Variants in MYO9A observed in about 807,000 individuals in gnomAD.
MYO9A encodes the protein unconventional myosin-IXa.
In MYO9A, 103 loss-of-function variants were observed where a neutral mutation model predicts 293.3. The observed-to-expected ratio is 0.35, with a 90% CI of 0.30 to 0.41. The LOEUF is 0.41. Ranked by LOEUF, MYO9A falls within the 10% of genes least tolerant of loss-of-function variation. The pLI is 1.00. For synonymous variants in MYO9A, 1,001 were observed against 1,035.7 expected, an observed-to-expected ratio of 0.97 and a Z score of 0.64; for missense variants, 2,685 against 3,033.0, an observed-to-expected ratio of 0.89 and a Z score of 2.69.
intron 26 of MYO9A, chr15:71,891,071 C>T (rs1194342341): frequency 6.6e-6 from 1 of 152,122 alleles, no homozygotes; most frequent in Non-Finnish European, 1.5e-5. Flanking sequence ...CCCACCCCAT[C>T]CCCAACCCTG....
intron 39 of MYO9A, among the ~76,000 whole-genome samples, chr15:71,836,854 A>C (rs993344290): frequency 1.3e-5 from 2 of 152,054 alleles, no homozygotes; most frequent in Non-Finnish European, 2.9e-5. Context: ...CCTTTGGAGG[A>C]GAAAGAGGAT....
At chr15:72,033,522 G>A (rs1198236948) in intron 2 of MYO9A, among the ~76,000 whole-genome samples, 1 of 152,156 alleles carries the variant, frequency 6.6e-6, no homozygotes, top group African/African-American at 2.4e-5. Flanking sequence ...CAAACACTAT[G>A]CTAAGCACAA....
At chr15:71,980,476 A>G (rs1442267691) in intron 11 of MYO9A, among the ~76,000 whole-genome samples, 8 of 152,214 alleles carry the variant, frequency 5.3e-5, no homozygotes, top group Admixed American at 2.0e-4. Context: ...ATAACAAAGA[A>G]AAAACATTTT....
rs759962092 is a variant in MYO9A, at chr15:72,027,790, G to C, written c.939C>G (p.Ala313=). 4.4e-6 allele frequency: 7 copies of C among 1,601,336 alleles called. No individual in the cohort carries two copies. Among genetic ancestry groups the C allele is most frequent in the Non-Finnish European group, 6.0e-6 (7 of 1,173,566 alleles). ...TCTCCAGTAGATATTTTTCAACATAGGCACTACAAGAAAAATTAAATTGGT... is the reference window on the plus strand; with the variant it reads ...TCTCCAGTAGATATTTTTCAACATACGCACTACAAGAAAAATTAAATTGGT... ...NYQETGTVLG[A]YVEKYLLEKS... The change falls in exon 4 of 42, where the codon GCC becomes GCG. Residue 313 remains alanine (A), a synonymous_variant. Transcript: ENST00000356056.
chr15:71,894,534 G>C (rs2057268602), intron 25 of MYO9A, among the ~76,000 whole-genome samples: 1 of 152,122 alleles, frequency 6.6e-6, no homozygotes, highest in Non-Finnish European at 1.5e-5. Flanking sequence ...CCAAGATCGT[G>C]CCACTGCACA....
chr15:72,046,787 C>T lies in MYO9A; in HGVS notation c.-71-153G>A, dbSNP rs142863167. 146 of 417,756 alleles carry T rather than the reference C, an allele frequency of 3.5e-4. No homozygotes were observed. The Middle Eastern group carries it at 3.9e-3, about 11-fold the overall frequency. The allele number at this position is 417,756 out of a possible 1,614,324, so 25.9% of individuals were successfully genotyped here. On this transcript the variant is annotated intron_variant, in intron 1 of 41. Coordinates refer to ENST00000356056, the MANE Select transcript of MYO9A (RefSeq NM_006901.4). ...CACAGCAACAGTTTCATTGAGACCA[C>T]ATAATATTAAGTTTCACTGTCCAAA...
At chr15:71,976,819 A>G (rs982161128) in intron 12 of MYO9A, among the ~76,000 whole-genome samples, 10 of 152,274 alleles carry the variant, frequency 6.6e-5, no homozygotes, top group Non-Finnish European at 1.5e-4. Context: ...GAGTGACACT[A>G]AACTGTTAGC....
intron 1 of MYO9A, among the ~76,000 whole-genome samples, chr15:72,087,175 C>T (rs780347147): frequency 1.2e-4 from 18 of 152,168 alleles, no homozygotes; most frequent in Non-Finnish European, 2.1e-4. Context: ...TGCAAGCAGG[C>T]GCAACCAGGC....
chr15:72,089,806 C>T lies in MYO9A; in HGVS notation c.-72+27874G>A, dbSNP rs370119867. Among the ~76,000 whole-genome samples the T allele has an allele frequency of 2.0e-5, 3 of 152,252 alleles. No individual in the cohort carries two copies. In the East Asian group the frequency reaches 5.8e-4, roughly 29 times the overall value. ...AAAACAAAAGCAAAAAAAACACCAA[C>T]TTATCAACAGCAATGTTGTCATACC... is the stretch of plus-strand genomic sequence containing the variant. On this transcript the variant is annotated intron_variant, in intron 1 of 41. Transcript: ENST00000356056.
intron 20 of MYO9A, 90 bp from the exon 21 acceptor site, chr15:71,904,129 G>C (rs1347760041): frequency 1.3e-5 from 13 of 1,005,650 alleles, no homozygotes; most frequent in Non-Finnish European, 2.0e-5. Context: ...TGAGTATCTA[G>C]AGATTGACTG....
chr15:72,079,281 T>TA (rs1187615460), intron 1 of MYO9A, among the ~76,000 whole-genome samples: 3 of 152,062 alleles, frequency 2.0e-5, no homozygotes, highest in Non-Finnish European at 2.9e-5. Context: ...AAAACTGCTT[T>TA]AAAAAATAGA....
intron 1 of MYO9A, among the ~76,000 whole-genome samples, chr15:72,081,962 G>A (rs752435108): frequency 6.6e-6 from 1 of 152,082 alleles, no homozygotes; most frequent in Non-Finnish European, 1.5e-5. Flanking sequence ...TTGAAGTCTG[G>A]TAGATGCCTC....
chr15:71,877,514 G>C (rs183919270), intron 31 of MYO9A, among the ~76,000 whole-genome samples: 116 of 152,178 alleles, frequency 7.6e-4, no homozygotes, highest in African/African-American at 2.7e-3. Context: ...GTGAAGTGCA[G>C]TGGCGTGACC....
At chr15:72,007,217 C>G (rs1030209667) in intron 8 of MYO9A, among the ~76,000 whole-genome samples, 1 of 152,018 alleles carries the variant, frequency 6.6e-6, no homozygotes, top group South Asian at 2.1e-4. Context: ...AGAAATGACA[C>G]CCCATCTGAT....
intron 1 of MYO9A, among the ~76,000 whole-genome samples, chr15:72,111,058 C>T (rs2080762525): frequency 6.6e-6 from 1 of 151,578 alleles, no homozygotes. Flanking sequence ...ACTCGGGAGG[C>T]TGAGGCAGGA....
intron 15 of MYO9A, among the ~76,000 whole-genome samples, chr15:71,941,325 C>T (rs2058768422): frequency 6.6e-6 from 1 of 152,116 alleles, no homozygotes; most frequent in South Asian, 2.1e-4. Context: ...ATCCCAACTA[C>T]TCAGGAGGCT....
At chr15:71,833,949 AAG>A (rs1490511427) in intron 39 of MYO9A, among the ~76,000 whole-genome samples, 1 of 152,072 alleles carries the variant, frequency 6.6e-6, no homozygotes, top group African/African-American at 2.4e-5. Context: ...TTAAGGATGT[AAG>A]ACTCTATTTC....
chr15:72,000,360 T>C (rs570036050), intron 8 of MYO9A, among the ~76,000 whole-genome samples: 1 of 152,382 alleles, frequency 6.6e-6, no homozygotes, highest in South Asian at 2.1e-4. Context: ...TCTTGAATTC[T>C]AGGAATATTC....
At chr15:72,009,412 A>G (rs1388267781) in intron 7 of MYO9A, among the ~76,000 whole-genome samples, 4 of 152,174 alleles carry the variant, frequency 2.6e-5, no homozygotes, top group African/African-American at 9.7e-5. Context: ...GTATAGGGTC[A>G]TCAATCATGA....
Sources: allele counts gnomAD v4.1 joint callset (sites outside exome capture counted in the v4.1 genomes callset), GRCh38; gene constraint gnomAD v4.1.1; transcripts MANE v1.5; gene names NCBI Gene and HGNC (gene_info 2026-07-23, HGNC 2026-07-21).